The following MPHOSPH9 variants were observed in gnomAD, a reference collection of about 807,000 sequenced individuals.
MPHOSPH9 encodes the protein M-phase phosphoprotein 9.
In MPHOSPH9, 88 loss-of-function variants were observed where a neutral mutation model predicts 145.5. The observed-to-expected ratio is 0.60, with a 90% CI of 0.51 to 0.72. The LOEUF is 0.72. Ranked by LOEUF, MPHOSPH9 falls within the 30% of genes least tolerant of loss-of-function variation. MPHOSPH9 has a pLI of 0.00. For missense variants in MPHOSPH9, 1,238 were observed against 1,386.6 expected, an observed-to-expected ratio of 0.89 and a Z score of 1.70; for synonymous variants, 435 against 486.2, an observed-to-expected ratio of 0.89 and a Z score of 1.39.
At chr12:123,218,618 T>C in intron 5 of MPHOSPH9, 119 bp from the exon 6 acceptor site, 2 of 902,854 alleles carry the variant, frequency 2.2e-6, no homozygotes, top group South Asian at 1.6e-5. Context: ...CTCCATCTCC[T>C]AGGTTCAAGC....
intron 16 of MPHOSPH9, among the ~76,000 whole-genome samples, chr12:123,170,009 A>G (rs2044504453): frequency 1.4e-5 from 2 of 139,472 alleles, no homozygotes; most frequent in African/African-American, 2.7e-5. Context: ...ACAGGGTTTT[A>G]CCCTGTCCCC....
intron 1 of MPHOSPH9, among the ~76,000 whole-genome samples, chr12:123,242,061 G>C (rs569443502): frequency 6.6e-6 from 1 of 152,324 alleles, no homozygotes; most frequent in African/African-American, 2.4e-5. Flanking sequence ...TAGGCTCTCT[G>C]AAGCCCATGC....
At chr12:123,210,277 A>G (rs981503388) in intron 7 of MPHOSPH9, 115 bp from the exon 8 acceptor site, 3 of 554,862 alleles carry the variant, frequency 5.4e-6, no homozygotes, top group Non-Finnish European at 8.9e-6. Context: ...ATTTTGGGTT[A>G]AAGTAATTTG....
intron 16 of MPHOSPH9, among the ~76,000 whole-genome samples, chr12:123,174,150 T>C (rs931922698): frequency 3.9e-5 from 6 of 152,164 alleles, no homozygotes; most frequent in African/African-American, 1.4e-4. Context: ...ATTTTTGTTG[T>C]GCTGGTGTGA....
In MPHOSPH9 at chr12:123,160,768, T is replaced by C. The variant is rs1411231018; in HGVS notation, c.3450+13A>G. The C allele has an allele frequency of 2.5e-6, 4 of 1,612,680 alleles. No homozygotes were observed. Among genetic ancestry groups the C allele is most frequent in the Admixed American group, 1.7e-5 (1 of 59,972 alleles). On this transcript the variant is annotated intron_variant, in intron 23 of 23. Transcript: ENST00000606320. The stretch of plus-strand genomic sequence containing the variant: ...TCAAGCCTCTAAAGCAGATTCAAGC[T>C]AAGACATTTCACCTGATTTAATCTT...
intron 8 of MPHOSPH9, among the ~76,000 whole-genome samples, chr12:123,207,916 C>T (rs1030962535): frequency 6.7e-6 from 1 of 150,134 alleles, no homozygotes. Flanking sequence ...TGTACATTTA[C>T]TGAATAGTTT....
intron 12 of MPHOSPH9, among the ~76,000 whole-genome samples, chr12:123,195,737 A>T (rs548922357): frequency 6.6e-5 from 10 of 152,302 alleles, no homozygotes; most frequent in African/African-American, 2.4e-4. Flanking sequence ...GAATGTCATG[A>T]AGCTTAGGAG....
intron 14 of MPHOSPH9, 87 bp downstream of exon 14, chr12:123,181,076 A>G: frequency 3.2e-6 from 4 of 1,240,458 alleles, no homozygotes; most frequent in Admixed American, 3.6e-5. Flanking sequence ...GAAGGGGTGC[A>G]AGGAGGAGAA....
At chr12:123,179,898 T>A (rs747078320) in intron 15 of MPHOSPH9, 28 bp downstream of exon 15, 11 of 1,195,160 alleles carry the variant, frequency 9.2e-6, no homozygotes, top group Non-Finnish European at 1.2e-5. Context: ...TTGAGGTATG[T>A]GTACATTAGT....
At chr12:123,212,444 C>A (rs1245681557) in intron 7 of MPHOSPH9, among the ~76,000 whole-genome samples, 1 of 152,070 alleles carries the variant, frequency 6.6e-6, no homozygotes, top group East Asian at 1.9e-4. Context: ...AATCCCAGCA[C>A]TTTGGGAGGC....
At chr12:123,204,725 A>G (rs1295305731) in intron 8 of MPHOSPH9, among the ~76,000 whole-genome samples, 1 of 152,106 alleles carries the variant, frequency 6.6e-6, no homozygotes, top group African/African-American at 2.4e-5. Context: ...AAATACAAAA[A>G]TTAGCTGGGA....
chr12:123,185,303 A>AC (rs1342651712), intron 13 of MPHOSPH9, among the ~76,000 whole-genome samples: 2 of 152,232 alleles, frequency 1.3e-5, no homozygotes, highest in African/African-American at 4.8e-5. Flanking sequence ...AAAAATGATC[A>AC]ATCAGAAAAA....
At position 123,227,625 on chromosome 12, in the gene MPHOSPH9, A is replaced by G; in HGVS notation, c.105-9T>C. On this transcript the variant is annotated splice_polypyrimidine_tract_variant and intron_variant, in intron 2 of 23. Coordinates refer to ENST00000606320, the MANE Select transcript of MPHOSPH9 (RefSeq NM_022782.4). ...TAAGGTGGGGACTACTTCTGTTGAAACATAAATAATTCAAATGGTTTTCTT... is the reference window on the plus strand; with the variant it reads ...TAAGGTGGGGACTACTTCTGTTGAAGCATAAATAATTCAAATGGTTTTCTT... The G allele has an allele frequency of 6.7e-7, 1 of 1,495,820 alleles. No homozygotes were observed. Among genetic ancestry groups the G allele is most frequent in the Non-Finnish European group, 8.9e-7 (1 of 1,129,906 alleles). 92.7% of individuals were successfully genotyped at this position (1,495,820 alleles called of 1,614,324 possible). A position where few individuals can be genotyped will look rare whatever the true frequency, so the allele number is the denominator to read the frequency against.
In MPHOSPH9 at chr12:123,227,485, G is replaced by C; in HGVS notation, c.236C>G (p.Ser79Trp). ...TACCTCACAGTTTTTCCAAAGTTCC[G>C]AATCAGTCTTTCCACTGTTTTGTAG... ...QELQNSGKTD[S>W]ELWKNCETRW... The change falls in exon 3 of 24, where the codon TCG (serine) becomes TGG (tryptophan). Residue 79 changes from serine (S) to tryptophan (W), a missense_variant. Coordinates refer to ENST00000606320, the MANE Select transcript of MPHOSPH9 (RefSeq NM_022782.4). 2.0e-6 allele frequency: 3 copies of C among 1,497,912 alleles called. No individual in the cohort carries two copies. The South Asian group carries it at 3.9e-5, about 19-fold the overall frequency. The allele number at this position is 1,497,912 out of a possible 1,614,324, so 92.8% of individuals were successfully genotyped here. A position where few individuals can be genotyped will look rare whatever the true frequency, so the allele number is the denominator to read the frequency against.
At chr12:123,174,545 T>G (rs2138024367) in intron 16 of MPHOSPH9, among the ~76,000 whole-genome samples, 1 of 152,082 alleles carries the variant, frequency 6.6e-6, no homozygotes, top group Non-Finnish European at 1.5e-5. Context: ...GCTAATTTTT[T>G]GTATTTTTAG....
At chr12:123,232,534 T>C (rs1311916731) in intron 1 of MPHOSPH9, among the ~76,000 whole-genome samples, 4 of 152,114 alleles carry the variant, frequency 2.6e-5, no homozygotes, top group African/African-American at 4.8e-5. Flanking sequence ...GAAAGTTAAC[T>C]GGGCGCTCCG....
At chr12:123,227,088 A>G (rs1448900006) in intron 3 of MPHOSPH9, among the ~76,000 whole-genome samples, 2 of 152,256 alleles carry the variant, frequency 1.3e-5, no homozygotes, top group Admixed American at 6.5e-5. Flanking sequence ...TAATTAGAAC[A>G]TTGAAAATAT....
In MPHOSPH9 at chr12:123,222,955, T is replaced by C. The variant is rs1312350649; in HGVS notation, c.348+83A>G. On this transcript the variant is annotated intron_variant, in intron 4 of 23. Coordinates refer to ENST00000606320, the MANE Select transcript of MPHOSPH9 (RefSeq NM_022782.4). ...CCATTTCTATATATGTGTGTGTGTATATATATATGTGTGTGTGTGTGTGTG... is the reference window on the plus strand; with the variant it reads ...CCATTTCTATATATGTGTGTGTGTACATATATATGTGTGTGTGTGTGTGTG... The C allele has an allele frequency of 8.0e-6, 6 of 746,056 alleles. No individual in the cohort carries two copies. In the African/African-American group the frequency reaches 1.0e-4, roughly 13 times the overall value. The allele number at this position is 746,056 out of a possible 1,614,324, so 46.2% of individuals were successfully genotyped here. A position where few individuals can be genotyped will look rare whatever the true frequency, so the allele number is the denominator to read the frequency against.
chr12:123,220,237 T>G (rs2047140524), intron 5 of MPHOSPH9, among the ~76,000 whole-genome samples: 1 of 150,608 alleles, frequency 6.6e-6, no homozygotes, highest in Non-Finnish European at 1.5e-5. Context: ...ACAAAAACAT[T>G]CAGCAACATA....
Sources: allele counts gnomAD v4.1 joint callset (sites outside exome capture counted in the v4.1 genomes callset), GRCh38; gene constraint gnomAD v4.1.1; transcripts MANE v1.5; gene names NCBI Gene and HGNC (gene_info 2026-07-23, HGNC 2026-07-21).